The following ACSM6 variants were observed in gnomAD, a reference collection of about 807,000 sequenced individuals.
ACSM6 encodes acyl-CoA synthetase medium chain family member 6.
Under a neutral mutation model 51.1 loss-of-function variants are expected in ACSM6, and 35 were observed. The ratio of observed to expected loss-of-function variants is 0.69; its 90% CI spans 0.52 to 0.91. The LOEUF (loss-of-function observed/expected upper bound fraction) is 0.91, where lower values mean the gene tolerates loss of function less well. Ranked by LOEUF, ACSM6 falls within the 40% of genes least tolerant of loss-of-function variation. ACSM6 has a pLI of 0.00. For missense variants in ACSM6, 509 were observed against 584.1 expected (o/e 0.87, Z 1.32); for synonymous variants, 172 against 207.3 (o/e 0.83, Z 1.46).
intron 4 of ACSM6, among the ~76,000 whole-genome samples, chr10:95,210,247 A>G (rs1170103840): frequency 7.2e-5 from 11 of 152,178 alleles, no homozygotes; most frequent in Non-Finnish European, 1.3e-4. Flanking sequence ...AATAGTGAAG[A>G]GAGAGAGACT....
exon 11 of ACSM6, chr10:95,228,769 G>A: frequency 6.4e-7 from 1 of 1,551,366 alleles, no homozygotes; most frequent in Non-Finnish European, 8.7e-7. Flanking sequence ...CCAATGCATT[G>A]GGTCAGAGAT....
intron 7 of ACSM6, among the ~76,000 whole-genome samples, chr10:95,213,652 GC>G (rs1301125501): frequency 6.6e-6 from 1 of 152,142 alleles, no homozygotes; most frequent in African/African-American, 2.4e-5. Flanking sequence ...TTTCTAAGCT[GC>G]TGAAATGAGC....
At chr10:95,210,393 G>C (rs1490915205) in intron 4 of ACSM6, among the ~76,000 whole-genome samples, 2 of 152,142 alleles carry the variant, frequency 1.3e-5, no homozygotes, top group Non-Finnish European at 2.9e-5. Flanking sequence ...TTGAGCAATT[G>C]AATGAATAAA....
chr10:95,202,547 C>T (rs766184591), intron 3 of ACSM6, among the ~76,000 whole-genome samples: 4 of 152,172 alleles, frequency 2.6e-5, no homozygotes, highest in African/African-American at 4.8e-5. Flanking sequence ...GACCTCTGTC[C>T]TAACATAGTC....
intron 4 of ACSM6, 69 bp from the exon 5 acceptor site, chr10:95,210,581 C>CCAGGG: frequency 6.8e-7 from 1 of 1,478,730 alleles, no homozygotes; most frequent in Non-Finnish European, 9.1e-7. Flanking sequence ...ATTACCAAAC[C>CCAGGG]CAGGGCCTAG....
At chr10:95,218,265 C>G (rs576853036) in intron 8 of ACSM6, among the ~76,000 whole-genome samples, 1 of 152,278 alleles carries the variant, frequency 6.6e-6, no homozygotes, top group Admixed American at 6.5e-5. Context: ...TGTACATCTT[C>G]CATTTAATTG....
At chr10:95,208,666 A>C (rs950069608) in intron 4 of ACSM6, among the ~76,000 whole-genome samples, 1 of 152,054 alleles carries the variant, frequency 6.6e-6, no homozygotes, top group African/African-American at 2.4e-5. Context: ...CATTTGCATA[A>C]CTTTTATTAC....
At chr10:95,196,923 T>G (rs1278593051) in intron 2 of ACSM6, among the ~76,000 whole-genome samples, 1 of 152,240 alleles carries the variant, frequency 6.6e-6, no homozygotes, top group African/African-American at 2.4e-5. Flanking sequence ...TTTACAAGTT[T>G]TTTTTTGCTA....
At chr10:95,224,635 G>C (rs1725564759) in intron 9 of ACSM6, among the ~76,000 whole-genome samples, 2 of 152,008 alleles carry the variant, frequency 1.3e-5, no homozygotes, top group African/African-American at 4.8e-5. Context: ...CCCGACCTCA[G>C]GTGATCTGCC....
chr10:95,206,987 A>T (rs142426410), intron 3 of ACSM6, among the ~76,000 whole-genome samples: 3,996 of 152,298 alleles, frequency 0.026, 90 homozygotes, highest in Non-Finnish European at 0.038. Flanking sequence ...GTGAAAGGAT[A>T]ACAGCAACAG....
intron 4 of ACSM6, among the ~76,000 whole-genome samples, chr10:95,209,543 C>T (rs765429582): frequency 2.0e-5 from 3 of 152,038 alleles, no homozygotes; most frequent in Admixed American, 6.5e-5. Flanking sequence ...GAGGCCGTGC[C>T]GGTGTGGACC....
chr10:95,207,511 A>C, intron 4 of ACSM6, 96 bp downstream of exon 4: 1 of 1,302,542 alleles, frequency 7.7e-7, no homozygotes, highest in East Asian at 2.3e-5. Context: ...GGTCAGAATG[A>C]AAAGCTGAAT....
In ACSM6 at chr10:95,207,467, G is replaced by A. The variant is rs2034851514; in HGVS notation, c.611+52G>A. On this transcript the variant is annotated intron_variant, in intron 4 of 10. Transcript: ENST00000341686. Reference sequence around the variant, plus strand: ...TTAAATGAAGGAAATGTTTGACTTTGAAAGATGATGATATATGAGAAAGTG... The same window carrying A: ...TTAAATGAAGGAAATGTTTGACTTTAAAAGATGATGATATATGAGAAAGTG... 1.9e-6 allele frequency: 3 copies of A among 1,557,098 alleles called. 1 individual carries two copies. In the South Asian group the frequency reaches 3.3e-5, roughly 17 times the overall value.
intron 2 of ACSM6, among the ~76,000 whole-genome samples, chr10:95,196,330 A>T (rs766514586): frequency 6.6e-6 from 1 of 152,190 alleles, no homozygotes; most frequent in African/African-American, 2.4e-5. Flanking sequence ...CTGTGAGCAA[A>T]GGCTTGGGCT....
chr10:95,220,474 G>A (rs1208123959), intron 9 of ACSM6, among the ~76,000 whole-genome samples: 2 of 152,164 alleles, frequency 1.3e-5, no homozygotes, highest in East Asian at 1.9e-4. Flanking sequence ...GGCAAATGCT[G>A]TGTCTAGGAT....
At chr10:95,195,348 CTG>C (rs562944764) in intron 2 of ACSM6, among the ~76,000 whole-genome samples, 231 of 152,244 alleles carry the variant, frequency 1.5e-3, no homozygotes, top group African/African-American at 4.8e-3. Context: ...AAGGGAAAGA[CTG>C]TCTAGGCAGG....
chr10:95,197,017 A>C (rs1202996841), intron 2 of ACSM6, among the ~76,000 whole-genome samples: 2 of 152,186 alleles, frequency 1.3e-5, no homozygotes, highest in East Asian at 3.8e-4. Context: ...TTACTCCATC[A>C]AATGCACTAC....
exon 8 of ACSM6, chr10:95,214,968 C>G: frequency 1.9e-6 from 3 of 1,551,462 alleles, no homozygotes; most frequent in Non-Finnish European, 2.6e-6. Flanking sequence ...TATGGGCAGA[C>G]GGAAACTGTA....
intron 10 of ACSM6, chr10:95,225,716 G>GA (rs2035030558): frequency 5.1e-6 from 1 of 194,892 alleles, no homozygotes; most frequent in Admixed American, 5.9e-5. Context: ...TCACATCTAT[G>GA]AAAATTAAAA....
Sources: allele counts gnomAD v4.1 joint callset (sites outside exome capture counted in the v4.1 genomes callset), GRCh38; gene constraint gnomAD v4.1.1; transcripts MANE v1.5; gene names NCBI Gene and HGNC (gene_info 2026-07-23, HGNC 2026-07-21).